Variants in UBFD1 observed in about 807,000 individuals in gnomAD.
The protein encoded by UBFD1 is ubiquitin domain-containing protein UBFD1.
UBFD1 carries 12 observed loss-of-function variants against 35.1 expected under a neutral mutation model. That is an observed-to-expected ratio of 0.34 (90% CI 0.22 to 0.55). UBFD1 has a LOEUF of 0.55. UBFD1 is among the 20% of genes least tolerant of loss of function. The pLI is 0.89. For missense variants in UBFD1, 337 were observed against 410.8 expected, an observed-to-expected ratio of 0.82 and a Z score of 1.55; for synonymous variants, 178 against 167.6, an observed-to-expected ratio of 1.06 and a Z score of -0.48.
chr16:23,566,552 G>C (rs547046124), intron 5 of UBFD1: 6 of 155,122 alleles, frequency 3.9e-5, no homozygotes, highest in African/African-American at 1.4e-4. Flanking sequence ...AGTAGAGACG[G>C]GGTTTCACCA....
At chr16:23,570,383 T>C in intron 6 of UBFD1, 97 bp from the exon 7 acceptor site, 1 of 879,044 alleles carries the variant, frequency 1.1e-6, no homozygotes, top group Non-Finnish European at 1.8e-6. Flanking sequence ...TCTTCCCTTT[T>C]TAATTAACTC....
At chr16:23,560,835 C>T (rs966483101) in intron 3 of UBFD1, among the ~76,000 whole-genome samples, 1 of 152,172 alleles carries the variant, frequency 6.6e-6, no homozygotes, top group Non-Finnish European at 1.5e-5. Flanking sequence ...GGAGACTTCA[C>T]CCCCACATAT....
intron 3 of UBFD1, among the ~76,000 whole-genome samples, chr16:23,560,477 C>T (rs1965914884): frequency 6.6e-6 from 1 of 152,150 alleles, no homozygotes; most frequent in African/African-American, 2.4e-5. Context: ...AGATAAACTT[C>T]AATCAACATC....
intron 5 of UBFD1, among the ~76,000 whole-genome samples, chr16:23,564,306 A>G (rs1647082669): frequency 6.6e-6 from 1 of 152,230 alleles, no homozygotes; most frequent in African/African-American, 2.4e-5. Context: ...GATTGTTAAA[A>G]TGAACAAAAA....
chr16:23,562,490 A>T, intron 4 of UBFD1, 135 bp from the exon 5 acceptor site: 4 of 850,446 alleles, frequency 4.7e-6, no homozygotes, highest in Admixed American at 2.8e-5. Context: ...CTAGTCTCCA[A>T]CTCCTGACCT....
intron 6 of UBFD1, among the ~76,000 whole-genome samples, chr16:23,568,267 C>T (rs1966038302): frequency 6.8e-6 from 1 of 147,702 alleles, no homozygotes; most frequent in Non-Finnish European, 1.5e-5. Flanking sequence ...TCAGGCGATT[C>T]TCCTGCCTCT....
intron 3 of UBFD1, among the ~76,000 whole-genome samples, chr16:23,561,358 C>G (rs767123009): frequency 6.6e-6 from 1 of 152,162 alleles, no homozygotes; most frequent in African/African-American, 2.4e-5. Flanking sequence ...CATTCATTGT[C>G]CCCTAGTTCC....
intron 5 of UBFD1, 60 bp downstream of exon 5, chr16:23,562,790 C>G (rs1481555188): frequency 6.9e-7 from 1 of 1,445,412 alleles, no homozygotes; most frequent in Non-Finnish European, 9.7e-7. Flanking sequence ...CAGCAGCACT[C>G]ACATTTTAGA....
chr16:23,559,341 G>A, intron 2 of UBFD1, 127 bp from the exon 3 acceptor site: 1 of 782,588 alleles, frequency 1.3e-6, no homozygotes, highest in South Asian at 1.9e-5. Flanking sequence ...AATCTCCCAA[G>A]TTCACAAAGC....
rs191957057 is a variant in UBFD1 at position 23,570,915 on chromosome 16, T to C, written c.*325T>C. ...TTGAGAGTAGATCTGCCAATTATGT[T>C]GACAAGGGAATGATCAAAAGCTTTG... On this transcript the variant is annotated 3_prime_UTR_variant, in exon 7 of 7. Transcript: ENST00000395878. 4.1e-4 allele frequency: 70 copies of C among 170,184 alleles called. 1 individual carries two copies. In the East Asian group the frequency reaches 9.3e-3, roughly 23 times the overall value. The allele number at this position is 170,184 out of a possible 1,614,324, so 10.5% of individuals were successfully genotyped here.
chr16:23,564,428 T>G (rs942591446), intron 5 of UBFD1: 1 of 152,268 alleles, frequency 6.6e-6, no homozygotes, highest in Non-Finnish European at 1.5e-5. Context: ...GCAGAATATC[T>G]GAGGGTTCCC....
rs182306688 is a variant in UBFD1 at position 23,573,534 on chromosome 16, C to T, written c.*2944C>T. The stretch of plus-strand genomic sequence containing the variant: ...CTCTTTGGTATTAAGTGTTTGAATC[C>T]ATGGTGGGCCTTTTGCAAGTAGCGT... On this transcript the variant is annotated 3_prime_UTR_variant, in exon 7 of 7. Transcript: ENST00000395878. The T allele has an allele frequency of 6.5e-5, 10 of 152,706 alleles. No individual in the cohort carries two copies. Among genetic ancestry groups the T allele is most frequent in the African/African-American group, 2.4e-4 (10 of 41,546 alleles). The allele number at this position is 152,706 out of a possible 1,614,324, so 9.5% of individuals were successfully genotyped here.
intron 5 of UBFD1, chr16:23,563,934 C>T (rs1965974838): frequency 6.6e-6 from 1 of 152,258 alleles, no homozygotes; most frequent in Admixed American, 6.5e-5. Flanking sequence ...TTCCTTGATT[C>T]TCCCCCCACC....
chr16:23,566,991 G>T lies in UBFD1; in HGVS notation c.741G>T (p.Arg247=). The change falls in exon 6 of 7, where the codon CGG becomes CGT. Residue 247 remains arginine (R), a synonymous_variant. Coordinates refer to ENST00000395878, the MANE Select transcript of UBFD1 (RefSeq NM_019116.3). ...CTGTAATCCCTCTCAACTTAGAGCGGACTGAGAAATTGCCCATGGGCTCCA... is the reference window on the plus strand; with the variant it reads ...CTGTAATCCCTCTCAACTTAGAGCGTACTGAGAAATTGCCCATGGGCTCCA... ...QDQLWIGTKE[R]TEKLPMGSIK... 6.2e-7 allele frequency: 1 copy of T among 1,614,142 alleles called. No homozygotes were observed. Among genetic ancestry groups the T allele is most frequent in the Non-Finnish European group, 8.5e-7 (1 of 1,180,010 alleles).
chr16:23,562,319 C>G, intron 4 of UBFD1, 48 bp downstream of exon 4: 2 of 1,565,706 alleles, frequency 1.3e-6, no homozygotes, highest in Non-Finnish European at 1.8e-6. Flanking sequence ...GCAGCCCCAC[C>G]GTCTGACTTG....
At chr16:23,568,847 C>CA (rs954282529) in intron 6 of UBFD1, 77 of 150,130 alleles carry the variant, frequency 5.1e-4, no homozygotes, top group African/African-American at 2.4e-4. Flanking sequence ...AAAAACAAAA[C>CA]AAAAAAAAAC....
chr16:23,562,639 G>A lies in UBFD1; in HGVS notation c.645G>A (p.Thr215=), dbSNP rs545548226. 1.7e-5 allele frequency: 28 copies of A among 1,614,036 alleles called. No homozygotes were observed. The highest frequency in any genetic ancestry group is 1.5e-4 in the African/African-American group (11 of 75,028). ...SVKGAQERLP[T]VPLSGMYNKS... ...CGTGCCTTCAGGAGCGCCTGCCAACGGTACCGCTGTCCGGCATGTACAATA... is the reference window on the plus strand; with the variant it reads ...CGTGCCTTCAGGAGCGCCTGCCAACAGTACCGCTGTCCGGCATGTACAATA... The change falls in exon 5 of 7, where the codon ACG becomes ACA. Residue 215 remains threonine, a synonymous_variant. Transcript: ENST00000395878.
intron 2 of UBFD1, among the ~76,000 whole-genome samples, chr16:23,558,537 CTAAT>C (rs1006727568): frequency 1.3e-5 from 2 of 152,172 alleles, no homozygotes; most frequent in African/African-American, 4.8e-5. Context: ...TCTAACATCT[CTAAT>C]TAAAAAATCA....
intron 6 of UBFD1, 91 bp from the exon 7 acceptor site, chr16:23,570,389 A>G (rs1209051842): frequency 1.1e-6 from 1 of 900,992 alleles, no homozygotes; most frequent in East Asian, 2.5e-5. Flanking sequence ...CTTTTTAATT[A>G]ACTCACATCC....
Sources: allele counts gnomAD v4.1 joint callset (sites outside exome capture counted in the v4.1 genomes callset), GRCh38; gene constraint gnomAD v4.1.1; transcripts MANE v1.5; gene names NCBI Gene and HGNC (gene_info 2026-07-23, HGNC 2026-07-21).